FBN2: variants seen among roughly 807,000 people sequenced by gnomAD.
The protein encoded by FBN2 is fibrillin-2.
Under a neutral mutation model 355.6 loss-of-function variants are expected in FBN2, and 105 were observed. The ratio of observed to expected loss-of-function variants is 0.30; its 90% CI spans 0.25 to 0.35. FBN2 has a LOEUF of 0.35. Ranked by LOEUF, FBN2 falls within the 10% of genes least tolerant of loss-of-function variation. The pLI, the probability that FBN2 is intolerant of heterozygous loss-of-function variation, is 1.00. For missense variants in FBN2, 3,280 were observed against 3,758.7 expected, an observed-to-expected ratio of 0.87 and a Z score of 3.33; for synonymous variants, 1,350 against 1,301.2, an observed-to-expected ratio of 1.04 and a Z score of -0.81.
chr5:128,272,196 G>A (rs932062584), intron 61 of FBN2, 78 bp from the exon 62 acceptor site: 30 of 1,521,812 alleles, frequency 2.0e-5, no homozygotes, highest in Non-Finnish European at 2.7e-5. Flanking sequence ...CGAAACCTGG[G>A]GTAACTGTTA....
intron 6 of FBN2, among the ~76,000 whole-genome samples, chr5:128,449,492 T>C (rs1315238003): frequency 6.9e-6 from 1 of 145,894 alleles, no homozygotes; most frequent in Admixed American, 6.8e-5. Context: ...CATAATAATA[T>C]TATACTATTT....
intron 25 of FBN2, among the ~76,000 whole-genome samples, chr5:128,340,818 CCT>C (rs752335442): frequency 1.4e-4 from 21 of 150,064 alleles, no homozygotes; most frequent in South Asian, 4.3e-4. Flanking sequence ...TCTCTCTCTC[CCT>C]CTCTCTCTCT....
chr5:128,514,318 T>G (rs939292162), intron 5 of FBN2, among the ~76,000 whole-genome samples: 1 of 152,204 alleles, frequency 6.6e-6, no homozygotes, highest in Non-Finnish European at 1.5e-5. Flanking sequence ...TCTACATTCA[T>G]TTGACTGAAA....
rs757677394 is a variant in FBN2, at chr5:128,374,730, G to A, written c.1993C>T (p.Pro665Ser). ...YCTDVDECQTPGICMNGHCIN... is the reference protein window; with the variant it reads ...YCTDVDECQTSGICMNGHCIN... ...CAGTGCCCATTCATGCAGATTCCTGGGGTCTGGCATTCATCAACATCTGTG... is the reference window on the plus strand; with the variant it reads ...CAGTGCCCATTCATGCAGATTCCTGAGGTCTGGCATTCATCAACATCTGTG... The change falls in exon 15 of 65, where the codon CCA becomes TCA. Residue 665 changes from proline (P) to serine (S), a missense_variant. Coordinates refer to ENST00000262464, the MANE Select transcript of FBN2 (RefSeq NM_001999.4). 1 of 1,613,900 alleles carries A rather than the reference G, an allele frequency of 6.2e-7. No homozygotes were observed. Among genetic ancestry groups the A allele is most frequent in the Non-Finnish European group, 8.5e-7 (1 of 1,179,882 alleles).
chr5:128,533,336 C>T (rs775640708), intron 2 of FBN2, among the ~76,000 whole-genome samples: 45 of 152,186 alleles, frequency 3.0e-4, no homozygotes, highest in Non-Finnish European at 5.6e-4. Context: ...ACTGAGCATT[C>T]TCAGGCATTT....
At chr5:128,530,786 G>A in intron 2 of FBN2, 93 bp from the exon 3 acceptor site, 1 of 801,980 alleles carries the variant, frequency 1.2e-6, no homozygotes. Flanking sequence ...TAAAAAGCCT[G>A]AAAAACTAAG....
chr5:128,321,906 C>A (rs1750384736), intron 34 of FBN2, among the ~76,000 whole-genome samples: 1 of 152,176 alleles, frequency 6.6e-6, no homozygotes. Context: ...TATACTCCCA[C>A]CAATAGTGTA....
chr5:128,534,570 T>C (rs1435141829), intron 2 of FBN2, among the ~76,000 whole-genome samples: 1 of 152,222 alleles, frequency 6.6e-6, no homozygotes, highest in Non-Finnish European at 1.5e-5. Context: ...TAAAGATCAT[T>C]TCAAAGTTTA....
chr5:128,362,513 T>C (rs1358393956), intron 18 of FBN2, among the ~76,000 whole-genome samples: 1 of 152,238 alleles, frequency 6.6e-6, no homozygotes, highest in East Asian at 1.9e-4. Context: ...CTGGTTATAG[T>C]GCACTGGTGC....
chr5:128,455,850 C>T (rs966000501), intron 6 of FBN2, among the ~76,000 whole-genome samples: 3 of 151,870 alleles, frequency 2.0e-5, no homozygotes, highest in African/African-American at 7.3e-5. Flanking sequence ...CCATCTCAAC[C>T]CTGGAACGTA....
chr5:128,436,313 AG>A (rs1753766414), intron 7 of FBN2, among the ~76,000 whole-genome samples: 1 of 152,224 alleles, frequency 6.6e-6, no homozygotes, highest in South Asian at 2.1e-4. Flanking sequence ...TATGAAACAC[AG>A]CATGGGCTTC....
At chr5:128,456,628 C>T (rs1754402589) in intron 6 of FBN2, among the ~76,000 whole-genome samples, 1 of 152,072 alleles carries the variant, frequency 6.6e-6, no homozygotes, top group South Asian at 2.1e-4. Flanking sequence ...TGAGTGACAT[C>T]TCTAGTCATG....
intron 55 of FBN2, among the ~76,000 whole-genome samples, chr5:128,284,145 C>T (rs745955711): frequency 2.0e-5 from 3 of 152,142 alleles, no homozygotes; most frequent in Non-Finnish European, 4.4e-5. Flanking sequence ...TAGGAAATAA[C>T]AACTAATACT....
At chr5:128,298,241 C>G (rs1350833182) in intron 48 of FBN2, among the ~76,000 whole-genome samples, 5 of 151,746 alleles carry the variant, frequency 3.3e-5, no homozygotes, top group Admixed American at 6.6e-5. Flanking sequence ...TGAGGGTAAC[C>G]TGACCTTTCT....
intron 34 of FBN2, among the ~76,000 whole-genome samples, chr5:128,322,883 C>T (rs1408873939): frequency 6.6e-6 from 1 of 152,236 alleles, no homozygotes; most frequent in East Asian, 1.9e-4. Context: ...TTTCATGATA[C>T]TGATTTTTCC....
intron 5 of FBN2, among the ~76,000 whole-genome samples, chr5:128,481,000 C>T (rs529747830): frequency 2.6e-5 from 4 of 152,136 alleles, no homozygotes; most frequent in Non-Finnish European, 5.9e-5. Context: ...ATAGCAGGAT[C>T]CTTCCAAGAA....
chr5:128,436,568 A>C (rs1236516066), intron 7 of FBN2, among the ~76,000 whole-genome samples: 1 of 152,130 alleles, frequency 6.6e-6, no homozygotes, highest in Non-Finnish European at 1.5e-5. Flanking sequence ...ATATGGAGAA[A>C]GATAGGAAAA....
At chr5:128,453,753 G>A (rs566627546) in intron 6 of FBN2, among the ~76,000 whole-genome samples, 1 of 152,234 alleles carries the variant, frequency 6.6e-6, no homozygotes, top group East Asian at 1.9e-4. Context: ...AAGGAAACGT[G>A]TTGGTTTGAA....
At chr5:128,367,173 T>C (rs1751794344) in intron 16 of FBN2, among the ~76,000 whole-genome samples, 1 of 152,168 alleles carries the variant, frequency 6.6e-6, no homozygotes, top group South Asian at 2.1e-4. Flanking sequence ...AGTAAAACTC[T>C]CAAAGTTTAT....
Sources: allele counts gnomAD v4.1 joint callset (sites outside exome capture counted in the v4.1 genomes callset), GRCh38; gene constraint gnomAD v4.1.1; transcripts MANE v1.5; gene names NCBI Gene and HGNC (gene_info 2026-07-23, HGNC 2026-07-21).